PDZRN4: variants seen among roughly 807,000 people sequenced by gnomAD.
PDZRN4 encodes PDZ domain containing ring finger 4.
In PDZRN4, 70 loss-of-function variants were observed where a neutral mutation model predicts 99.0. That is an observed-to-expected ratio of 0.71 (90% CI 0.58 to 0.86). The LOEUF (loss-of-function observed/expected upper bound fraction) is 0.86, where lower values mean the gene tolerates loss of function less well. Ranked by LOEUF, PDZRN4 falls within the 40% of genes least tolerant of loss-of-function variation. The pLI is 0.00. For synonymous variants in PDZRN4, 551 were observed against 501.6 expected (o/e 1.10, Z -1.32); for missense variants, 1,474 against 1,331.2 (o/e 1.11, Z -1.67).
chr12:41,484,174 A>AT lies in PDZRN4; in HGVS notation c.844-22277dup, dbSNP rs1238796668. On this transcript the variant is annotated intron_variant, in intron 3 of 9. Coordinates refer to ENST00000402685, the MANE Select transcript of PDZRN4 (RefSeq NM_001164595.2). ...TGTCCTATAGCAAAATTGAGGGAGG[A>AT]TTTTTCCTCACAAGTTGAGGGACAA... Among the ~76,000 whole-genome samples the AT allele has an allele frequency of 2.6e-5, 4 of 152,142 alleles. No individual in the cohort carries two copies. In the South Asian group the frequency reaches 8.3e-4, roughly 32 times the overall value.
chr12:41,189,190 G>C, intron 1 of PDZRN4, 87 bp downstream of exon 1: 1 of 1,285,958 alleles, frequency 7.8e-7, no homozygotes, highest in Non-Finnish European at 1.1e-6. Context: ...GATTCCTTTG[G>C]AATTGGGCAT....
intron 5 of PDZRN4, among the ~76,000 whole-genome samples, chr12:41,511,325 C>A (rs1938300884): frequency 6.6e-6 from 1 of 152,024 alleles, no homozygotes; most frequent in South Asian, 2.1e-4. Context: ...CCTTACATTT[C>A]TATGGAGCTT....
intron 3 of PDZRN4, among the ~76,000 whole-genome samples, chr12:41,218,355 G>T (rs1389977571): frequency 1.3e-5 from 2 of 152,020 alleles, no homozygotes; most frequent in South Asian, 4.2e-4. Flanking sequence ...TACATCAAGG[G>T]CTGACAAATG....
chr12:41,290,688 A>G (rs1365587860), intron 3 of PDZRN4, among the ~76,000 whole-genome samples: 4 of 152,138 alleles, frequency 2.6e-5, no homozygotes, highest in African/African-American at 4.8e-5. Flanking sequence ...GACTAAATCT[A>G]TGAGGTATAA....
At chr12:41,398,774 A>G (rs888629819) in intron 3 of PDZRN4, among the ~76,000 whole-genome samples, 1 of 152,174 alleles carries the variant, frequency 6.6e-6, no homozygotes, top group African/African-American at 2.4e-5. Flanking sequence ...TGCTGTATGT[A>G]AATTATAATA....
At chr12:41,348,249 C>A (rs1951868391) in intron 3 of PDZRN4, among the ~76,000 whole-genome samples, 1 of 152,078 alleles carries the variant, frequency 6.6e-6, no homozygotes. Context: ...CTATTCTGTG[C>A]TGTAGAGCAG....
chr12:41,209,044 T>C (rs1469804318), intron 3 of PDZRN4, among the ~76,000 whole-genome samples: 2 of 152,048 alleles, frequency 1.3e-5, no homozygotes, highest in African/African-American at 2.4e-5. Flanking sequence ...TATGCATGCA[T>C]GTGTGTTTTC....
At chr12:41,463,428 G>C (rs529587930) in intron 3 of PDZRN4, among the ~76,000 whole-genome samples, 43 of 151,748 alleles carry the variant, frequency 2.8e-4, no homozygotes, top group Non-Finnish European at 5.4e-4. Flanking sequence ...AGATTTTGAG[G>C]ATTTCATCCT....
intron 3 of PDZRN4, among the ~76,000 whole-genome samples, chr12:41,296,771 G>T (rs971772903): frequency 6.6e-6 from 1 of 152,064 alleles, no homozygotes; most frequent in South Asian, 2.1e-4. Flanking sequence ...ACCAGCCTGG[G>T]CAACATGGCA....
chr12:41,477,811 G>A lies in PDZRN4; in HGVS notation c.844-28645G>A, dbSNP rs1002755061. 6 of 1,025,502 alleles carry A rather than the reference G, an allele frequency of 5.9e-6. No homozygotes were observed. The Middle Eastern group carries it at 7.9e-4, about 135-fold the overall frequency. The allele number at this position is 1,025,502 out of a possible 1,614,324, so 63.5% of individuals were successfully genotyped here. On this transcript the variant is annotated intron_variant, in intron 3 of 9. Coordinates refer to ENST00000402685, the MANE Select transcript of PDZRN4 (RefSeq NM_001164595.2). ...CACAGGCGCCTTTACCATGCATGTG[G>A]TAATGATTTTGATTATGAAATGCTT...
chr12:41,316,954 G>T (rs1046546802), intron 3 of PDZRN4, among the ~76,000 whole-genome samples: 2 of 149,848 alleles, frequency 1.3e-5, no homozygotes, highest in Non-Finnish European at 3.0e-5. Flanking sequence ...TGGTAGAAAA[G>T]CTTTTAATCA....
intron 3 of PDZRN4, among the ~76,000 whole-genome samples, chr12:41,372,903 T>G (rs1952052633): frequency 6.6e-6 from 1 of 152,140 alleles, no homozygotes; most frequent in South Asian, 2.1e-4. Context: ...TCAGGCGAAA[T>G]TCAGCCCTGA....
chr12:41,567,400 C>T (rs981954995), intron 8 of PDZRN4, among the ~76,000 whole-genome samples: 1 of 152,062 alleles, frequency 6.6e-6, no homozygotes, highest in African/African-American at 2.4e-5. Flanking sequence ...AAGAAAACAG[C>T]CCAATTGTCT....
chr12:41,233,079 GTA>G (rs921753603), intron 3 of PDZRN4, among the ~76,000 whole-genome samples: 10 of 151,954 alleles, frequency 6.6e-5, no homozygotes, highest in Non-Finnish European at 1.3e-4. Flanking sequence ...TAGCCTTGTA[GTA>G]TAGTTTGAAA....
At chr12:41,457,125 T>C (rs1482054099) in intron 3 of PDZRN4, among the ~76,000 whole-genome samples, 1 of 152,126 alleles carries the variant, frequency 6.6e-6, no homozygotes, top group Non-Finnish European at 1.5e-5. Flanking sequence ...CACATGAAAA[T>C]ACTGTATTTC....
At chr12:41,496,663 G>A (rs548578249) in intron 3 of PDZRN4, among the ~76,000 whole-genome samples, 1 of 152,200 alleles carries the variant, frequency 6.6e-6, no homozygotes, top group East Asian at 1.9e-4. Flanking sequence ...GTGGACAACT[G>A]GGCTACAGAA....
chr12:41,442,773 C>T (rs1457455971), intron 3 of PDZRN4, among the ~76,000 whole-genome samples: 1 of 152,032 alleles, frequency 6.6e-6, no homozygotes, highest in Non-Finnish European at 1.5e-5. Context: ...GGTGGGGGAG[C>T]TTGGGGGTTT....
chr12:41,487,205 A>C (rs752714164), intron 3 of PDZRN4, among the ~76,000 whole-genome samples: 1 of 152,110 alleles, frequency 6.6e-6, no homozygotes, highest in Non-Finnish European at 1.5e-5. Flanking sequence ...CATTGACATT[A>C]TCTCAGTGCC....
intron 3 of PDZRN4, among the ~76,000 whole-genome samples, chr12:41,247,737 A>G (rs764184069): frequency 3.3e-5 from 5 of 152,200 alleles, no homozygotes; most frequent in African/African-American, 7.2e-5. Flanking sequence ...TTTAATAAAT[A>G]CTTATATTTC....
Sources: gnomAD v4.1 joint callset for allele counts (sites outside exome capture counted in the v4.1 genomes callset) on GRCh38, gnomAD v4.1.1 for gene constraint, MANE v1.5 for transcripts, NCBI Gene and HGNC (gene_info 2026-07-23, HGNC 2026-07-21) for gene names.